CYFIP1: variants seen among roughly 807,000 people sequenced by gnomAD.
The protein encoded by CYFIP1 is cytoplasmic FMR1-interacting protein 1.
CYFIP1 carries 58 observed loss-of-function variants against 163.5 expected under a neutral mutation model. The ratio of observed to expected loss-of-function variants is 0.35; its 90% CI spans 0.29 to 0.44. The LOEUF (loss-of-function observed/expected upper bound fraction) is 0.44. CYFIP1 is among the 20% of genes least tolerant of loss of function. The pLI is 1.00. For missense variants in CYFIP1, 1,338 were observed against 1,653.8 expected, an observed-to-expected ratio of 0.81 and a Z score of 3.31; for synonymous variants, 663 against 660.7, an observed-to-expected ratio of 1.00 and a Z score of -0.05.
At position 22,933,858 on chromosome 15, in the gene CYFIP1, T is replaced by C. The variant is rs779326005; in HGVS notation, c.936A>G (p.Gln312=). 4 of 1,613,524 alleles carry C rather than the reference T, an allele frequency of 2.5e-6. No individual in the cohort carries two copies. Among genetic ancestry groups the C allele is most frequent in the Non-Finnish European group, 3.4e-6 (4 of 1,179,794 alleles). Residue 312 remains glutamine, a synonymous_variant, in exon 10 of 31, where the codon CAA becomes CAG. Coordinates refer to ENST00000617928, the MANE Select transcript of CYFIP1 (RefSeq NM_014608.6). ...LQVVPLFGDM[Q]IELARYIKTS... ...TCTTGATATATCTTGCCAGTTCTAT[T>C]TGCATGTCCCCAAATAGCGGAACCA... is the stretch of plus-strand genomic sequence containing the variant.
At chr15:22,966,656 C>T (rs1169195494) in intron 1 of CYFIP1, among the ~76,000 whole-genome samples, 1 of 152,008 alleles carries the variant, frequency 6.6e-6, no homozygotes, top group Admixed American at 6.6e-5. Flanking sequence ...GAAGAAGGAC[C>T]TGAGTTGTGG....
At chr15:22,878,703 A>C (rs1469413839) in intron 26 of CYFIP1, among the ~76,000 whole-genome samples, 2 of 151,964 alleles carry the variant, frequency 1.3e-5, no homozygotes, top group Admixed American at 6.6e-5. Flanking sequence ...TAATCATTAA[A>C]AAAAAAAAGG....
At chr15:22,880,472 G>T (rs1403497400) in intron 25 of CYFIP1, among the ~76,000 whole-genome samples, 1 of 152,192 alleles carries the variant, frequency 6.6e-6, no homozygotes, top group Non-Finnish European at 1.5e-5. Flanking sequence ...CTAACAGCAC[G>T]CCCAACGGGA....
chr15:22,947,213 G>T lies in CYFIP1; in HGVS notation c.73C>A (p.Gln25Lys). The T allele has an allele frequency of 6.2e-7, 1 of 1,614,052 alleles. No homozygotes were observed. The highest frequency in any genetic ancestry group is 8.5e-7 in the Non-Finnish European group (1 of 1,179,986). The change falls in exon 2 of 31, where the codon CAG (glutamine) becomes AAG (lysine). Residue 25 changes from glutamine to lysine, a missense_variant. By Grantham distance (53) the Gln-to-Lys change is moderately conservative. Around this residue, in one of 4 missense-constraint regions of CYFIP1, gnomAD observed 186 missense variants for 288.3 expected, o/e 0.65. Coordinates refer to ENST00000617928, the MANE Select transcript of CYFIP1 (RefSeq NM_014608.6). ...GGCGGGGGCTCGATGCAGGGCTGCT[G>T]GTCGGGCAGGGGCAGCTCCTCCAGG... Reference protein sequence around the residue: ...DLLEELPLPDQQPCIEPPPSS... With the variant: ...DLLEELPLPDKQPCIEPPPSS...
At position 22,918,047 on chromosome 15, in the gene CYFIP1, T is replaced by C. The variant is rs2061052096; in HGVS notation, c.1527-112A>G. 3 of 1,276,302 alleles carry C rather than the reference T, an allele frequency of 2.4e-6. No individual in the cohort carries two copies. The South Asian group carries it at 4.3e-5, about 18-fold the overall frequency. 79.1% of individuals were successfully genotyped at this position (1,276,302 alleles called of 1,614,324 possible). A position where few individuals can be genotyped will look rare whatever the true frequency, so the allele number is the denominator to read the frequency against. On this transcript the variant is annotated intron_variant, in intron 14 of 30. Coordinates refer to ENST00000617928, the MANE Select transcript of CYFIP1 (RefSeq NM_014608.6). ...GCTCTCAGAACAGCCCCCATGAAAATACAAATTACTCTGGGGGCCATGGAG... is the reference window on the plus strand; with the variant it reads ...GCTCTCAGAACAGCCCCCATGAAAACACAAATTACTCTGGGGGCCATGGAG...
chr15:22,942,593 C>T lies in CYFIP1; in HGVS notation c.569+580G>A, dbSNP rs550463672. ...TGCCTGCCTCTTCCGCTCGTCTTGC[C>T]AGCCTCTCCAGAGGCTAGCTTCTCC... On this transcript the variant is annotated intron_variant, in intron 6 of 30. Transcript: ENST00000617928. Among the ~76,000 whole-genome samples, 567 of 152,322 alleles carry T rather than the reference C, an allele frequency of 3.7e-3. 9 individuals are homozygous for T. Among genetic ancestry groups the T allele is most frequent in the African/African-American group, 0.013 (546 of 41,572 alleles).
At chr15:22,916,998 A>G (rs1275294465) in intron 15 of CYFIP1, 1 of 1,551,042 alleles carries the variant, frequency 6.4e-7, no homozygotes, top group South Asian at 1.2e-5. Flanking sequence ...GGCAGAGCCC[A>G]AGGACTCGGC....
At chr15:22,887,884 A>T (rs1417773580) in intron 23 of CYFIP1, among the ~76,000 whole-genome samples, 1 of 152,170 alleles carries the variant, frequency 6.6e-6, no homozygotes, top group Non-Finnish European at 1.5e-5. Flanking sequence ...TACAGTCTCC[A>T]GCCTTGTTCG....
chr15:22,965,372 T>C (rs556272689), intron 1 of CYFIP1, among the ~76,000 whole-genome samples: 3 of 152,292 alleles, frequency 2.0e-5, no homozygotes, highest in Admixed American at 1.3e-4. Context: ...GGCAGGAGAA[T>C]TGCTTGAACC....
At chr15:22,878,813 A>T (rs987347440) in intron 26 of CYFIP1, among the ~76,000 whole-genome samples, 1 of 152,134 alleles carries the variant, frequency 6.6e-6, no homozygotes, top group African/African-American at 2.4e-5. Context: ...GCAGCACATA[A>T]AGAGTCTACA....
At chr15:22,914,984 C>A in intron 16 of CYFIP1, 102 bp from the exon 17 acceptor site, 1 of 1,276,940 alleles carries the variant, frequency 7.8e-7, no homozygotes. Flanking sequence ...CTCCTCCTCG[C>A]TCAGCCCCAA....
intron 13 of CYFIP1, among the ~76,000 whole-genome samples, chr15:22,925,547 A>C (rs976543692): frequency 6.6e-6 from 1 of 152,228 alleles, no homozygotes; most frequent in Admixed American, 6.5e-5. Context: ...AGAGTATGCA[A>C]AGATTTCTCA....
intron 1 of CYFIP1, chr15:22,951,618 T>A: frequency 8.3e-7 from 1 of 1,204,264 alleles, no homozygotes; most frequent in South Asian, 1.3e-5. Flanking sequence ...TGGGGGCGTG[T>A]CCAGTCATGC....
At position 22,870,045 on chromosome 15, in the gene CYFIP1, A is replaced by T. The variant is rs2059381078; in HGVS notation, c.3745T>A (p.Ser1249Thr). ...GCGTGCCCTCAGCTGCTGGCGAGGGACTGGTGGATGGGCGGCTGGAAGCAG... is the reference window on the plus strand; with the variant it reads ...GCGTGCCCTCAGCTGCTGGCGAGGGTCTGGTGGATGGGCGGCTGGAAGCAG... ...VRCFQPPIHQ[S>T]LASS The change falls in exon 31 of 31, where the codon TCC becomes ACC. Residue 1249 changes from serine (S) to threonine (T), a missense_variant. Around this residue, in one of 4 missense-constraint regions of CYFIP1, gnomAD observed 306 missense variants for 322.1 expected, o/e 0.95. Coordinates refer to ENST00000617928, the MANE Select transcript of CYFIP1 (RefSeq NM_014608.6). 1.2e-6 allele frequency: 2 copies of T among 1,605,700 alleles called. No homozygotes were observed. The highest frequency in any genetic ancestry group is 1.7e-6 in the Non-Finnish European group (2 of 1,177,348).
intron 26 of CYFIP1, among the ~76,000 whole-genome samples, chr15:22,875,789 A>G (rs1453738236): frequency 6.7e-6 from 1 of 150,266 alleles, no homozygotes; most frequent in Non-Finnish European, 1.5e-5. Context: ...ACAGAGCCCA[A>G]AACAAAGTTC....
At chr15:22,963,389 C>T (rs2062755615) in intron 1 of CYFIP1, among the ~76,000 whole-genome samples, 1 of 152,042 alleles carries the variant, frequency 6.6e-6, no homozygotes, top group East Asian at 1.9e-4. Flanking sequence ...ACTCAAGAGG[C>T]TGAGGCAGGA....
chr15:22,980,482 T>G (rs1468697431), upstream of CYFIP1: 1 of 151,640 alleles, frequency 6.6e-6, no homozygotes, highest in Non-Finnish European at 1.5e-5. Context: ...CGCTCCCTCC[T>G]CCTGGCGGGG....
chr15:22,957,588 A>G (rs1657599169), intron 1 of CYFIP1, among the ~76,000 whole-genome samples: 1 of 152,194 alleles, frequency 6.6e-6, no homozygotes, highest in South Asian at 2.1e-4. Flanking sequence ...GTGAGCCGAG[A>G]TCGTGTCACT....
intron 13 of CYFIP1, among the ~76,000 whole-genome samples, chr15:22,920,260 G>T (rs995568730): frequency 1.4e-5 from 2 of 145,588 alleles, no homozygotes; most frequent in Admixed American, 7.0e-5. Flanking sequence ...GAACTCCCAG[G>T]GTCAATCGAT....
Sources: gnomAD v4.1 joint callset for allele counts (sites outside exome capture counted in the v4.1 genomes callset) on GRCh38, gnomAD v4.1.1 for gene constraint, gnomAD v4.1.1 regional missense constraint, MANE v1.5 for transcripts, NCBI Gene and HGNC (gene_info 2026-07-23, HGNC 2026-07-21) for gene names.